SLC19A1: variants seen among roughly 807,000 people sequenced by gnomAD.
SLC19A1 encodes reduced folate transporter.
In SLC19A1, 37 loss-of-function variants were observed where a neutral mutation model predicts 35.3. The ratio of observed to expected loss-of-function variants is 1.05; its 90% CI spans 0.81 to 1.38. The LOEUF is 1.38. Ranked by LOEUF, SLC19A1 falls within the 40% of genes most tolerant of loss-of-function variation. The pLI is 0.00. For synonymous variants in SLC19A1, 460 were observed against 398.5 expected (o/e 1.15, Z -1.84); for missense variants, 831 against 826.9 (o/e 1.00, Z -0.06).
downstream of SLC19A1, among the ~76,000 whole-genome samples, chr21:45,508,509 A>C (rs1480814386): frequency 7.0e-6 from 1 of 142,918 alleles, no homozygotes; most frequent in African/African-American, 2.8e-5. Flanking sequence ...ATGGTGGGTA[A>C]GTGGGTTAGT....
upstream of SLC19A1, among the ~76,000 whole-genome samples, chr21:45,544,582 T>C (rs1034819130): frequency 6.6e-6 from 1 of 152,048 alleles, no homozygotes; most frequent in Non-Finnish European, 1.5e-5. Flanking sequence ...GTTTGTCAAA[T>C]AGTTAAGTGC....
At chr21:45,532,222 G>A in intron 2 of SLC19A1, 74 bp from the exon 3 acceptor site, 1 of 1,304,930 alleles carries the variant, frequency 7.7e-7, no homozygotes, top group East Asian at 2.3e-5. Context: ...CCCGCCCGAG[G>A]TGATGGCTGC....
rs994393329 is a variant in SLC19A1, at chr21:45,530,492, G to A, written c.1151+278C>T. Among the ~76,000 whole-genome samples, 2 of 152,156 alleles carry A rather than the reference G, an allele frequency of 1.3e-5. No homozygotes were observed. Among genetic ancestry groups the A allele is most frequent in the African/African-American group, 4.8e-5 (2 of 41,424 alleles). On this transcript the variant is annotated intron_variant, in intron 4 of 5. Transcript: ENST00000311124. The surrounding 1 kb of genome is among the most constrained non-coding windows in gnomAD (Gnocchi z 5.3). ...CCTGGATGGGGTCTCAGCAGCCCGG[G>A]GCCTAGAGGGTGGGGTTGGGAGCAG...
downstream of SLC19A1, chr21:45,510,972 A>T (rs1224140605): frequency 8.7e-4 from 7 of 8,014 alleles, no homozygotes; most frequent in South Asian, 1.3e-3. Context: ...TACACCCCCA[A>T]ACACCCCCCA....
rs772690076 is a variant in SLC19A1, at chr21:45,531,899, C to A, written c.439G>T (p.Ala147Ser). 6.3e-7 allele frequency: 1 copy of A among 1,588,984 alleles called. No individual in the cohort carries two copies. The highest frequency in any genetic ancestry group is 1.1e-5 in the South Asian group (1 of 88,612). ...TAGCCGGCCACACGCTGGTAGCGCG[C>A]GGGCCGCACGAGAGAGAAGATGTAG... The part of the protein sequence containing the change: ...SSYIFSLVRP[A>S]RYQRVAGYSR... The change falls in exon 3 of 6, where the codon GCG becomes TCG. Residue 147 changes from alanine to serine, a missense_variant. Physicochemically the swap from Ala to Ser is moderately conservative, Grantham distance 99. Transcript: ENST00000311124.
chr21:45,537,458 C>G (rs977317866), intron 2 of SLC19A1, among the ~76,000 whole-genome samples: 1 of 150,490 alleles, frequency 6.6e-6, no homozygotes, highest in Non-Finnish European at 1.5e-5. Flanking sequence ...ATTCCAGAAG[C>G]TGCTCCCCGC....
upstream of SLC19A1, among the ~76,000 whole-genome samples, chr21:45,545,983 C>T (rs561841350): frequency 8.5e-5 from 13 of 152,334 alleles, no homozygotes; most frequent in Admixed American, 2.0e-4. Context: ...GCCAGGCCTT[C>T]GCCCCCACTT....
intron 1 of SLC19A1, among the ~76,000 whole-genome samples, chr21:45,553,067 C>T (rs888525367): frequency 5.3e-5 from 8 of 152,092 alleles, no homozygotes; most frequent in East Asian, 1.9e-4. Context: ...CTCCACCGGG[C>T]GGCAGGTGGC....
downstream of SLC19A1, chr21:45,507,670 A>C: frequency 7.2e-7 from 1 of 1,383,670 alleles, no homozygotes; most frequent in Non-Finnish European, 1.0e-6. Context: ...TGTTTGAGGA[A>C]CAACACGTGG....
Position 45,530,651 on chromosome 21 carries a change from G to C in SLC19A1, c.1151+119C>G. 9.3e-7 allele frequency: 1 copy of C among 1,071,908 alleles called. No individual in the cohort carries two copies. Among genetic ancestry groups the C allele is most frequent in the Non-Finnish European group, 1.3e-6 (1 of 750,104 alleles). The allele number at this position is 1,071,908 out of a possible 1,614,324, so 66.4% of individuals were successfully genotyped here. On this transcript the variant is annotated intron_variant, in intron 4 of 5. Coordinates refer to ENST00000311124, the MANE Select transcript of SLC19A1 (RefSeq NM_194255.4). The surrounding 1 kb of genome is among the most constrained non-coding windows in gnomAD (Gnocchi z 5.3). ...GACCCTGGTCAGCTCCAGGTGGCTG[G>C]CGGGGCCAGCAGTGGCACAGCCGCT...
chr21:45,510,969 CCAA>C (rs568046356), downstream of SLC19A1: 120 of 41,808 alleles, frequency 2.9e-3, 36 homozygotes, highest in Middle Eastern at 0.018. Flanking sequence ...ACATACACCC[CCAA>C]ACACCCCCCA....
Position 45,513,140 on chromosome 21 carries a change from C to T in SLC19A1, c.*2518G>A, listed in dbSNP as rs1175515434. Reference sequence around the variant, plus strand: ...CAGCTCCACCCTGGCCGAGTCCAAGCTGGGAGATTCAAGGGACCCATGAGT... The same window carrying T: ...CAGCTCCACCCTGGCCGAGTCCAAGTTGGGAGATTCAAGGGACCCATGAGT... On this transcript the variant is annotated 3_prime_UTR_variant, in exon 6 of 6. Transcript: ENST00000311124. The T allele has an allele frequency of 2.0e-5, 3 of 152,452 alleles. No homozygotes were observed. Among genetic ancestry groups the T allele is most frequent in the Non-Finnish European group, 2.9e-5 (2 of 68,216 alleles). 9.4% of individuals were successfully genotyped at this position (152,452 alleles called of 1,614,324 possible). A position where few individuals can be genotyped will look rare whatever the true frequency, so the allele number is the denominator to read the frequency against.
rs571597296 is a variant in SLC19A1, at chr21:45,505,383, C to CCCCCCTGGGCCCCCTGGG, written c.498-6789_498-6772dup. 4.4e-6 allele frequency: 7 copies of CCCCCCTGGGCCCCCTGGG among 1,584,938 alleles called. No homozygotes were observed. Among genetic ancestry groups the CCCCCCTGGGCCCCCTGGG allele is most frequent in the South Asian group, 3.3e-5 (3 of 89,840 alleles). On this transcript the variant is annotated intron_variant, in intron 3 of 4. Transcript: ENST00000417954. ...CTATCAGCGTTCCCGGCCCTCCGGG[C>CCCCCCTGGGCCCCCTGGG]CCCCCTGGGCCCCCTGGGCCCCCTG...
downstream of SLC19A1, among the ~76,000 whole-genome samples, chr21:45,508,815 G>A (rs1480038196): frequency 6.6e-6 from 1 of 152,210 alleles, no homozygotes; most frequent in East Asian, 1.9e-4. Context: ...GCCTGGCCCT[G>A]TGGAGCAGAC....
intron 1 of SLC19A1, among the ~76,000 whole-genome samples, chr21:45,549,619 T>A (rs1206538614): frequency 8.1e-6 from 1 of 123,948 alleles, no homozygotes; most frequent in Non-Finnish European, 1.7e-5. Flanking sequence ...AAAAGGGCAG[T>A]GATGTGGCAG....
intron 3 of SLC19A1, chr21:45,505,228 GC>G (rs1268694070): frequency 6.3e-7 from 1 of 1,593,570 alleles, no homozygotes; most frequent in Non-Finnish European, 8.6e-7. Context: ...GGCCCTCCCG[GC>G]CCCCCAGGCC....
At chr21:45,545,215 TG>T (rs1206188274), upstream of SLC19A1, among the ~76,000 whole-genome samples, 1 of 152,228 alleles carries the variant, frequency 6.6e-6, no homozygotes, top group African/African-American at 2.4e-5. Flanking sequence ...AATCTCATGT[TG>T]GAATGTGATT....
chr21:45,509,263 A>G (rs1018941661), downstream of SLC19A1: 12 of 1,504,560 alleles, frequency 8.0e-6, no homozygotes, highest in South Asian at 1.1e-4. Flanking sequence ...TTCAGAGCCC[A>G]GCCCCTCTCA....
At chr21:45,510,164 C>A (rs375590764), downstream of SLC19A1, 1 of 1,596,098 alleles carries the variant, frequency 6.3e-7, no homozygotes. Flanking sequence ...GTGGGGCTGG[C>A]GGGCACCTTC....
Sources: allele counts gnomAD v4.1 joint callset (sites outside exome capture counted in the v4.1 genomes callset), GRCh38; gene constraint gnomAD v4.1.1; non-coding constraint Gnocchi (gnomAD v3.1); transcripts MANE v1.5; gene names NCBI Gene and HGNC (gene_info 2026-07-23, HGNC 2026-07-21).